The following VAV3 variants were observed in gnomAD, a reference collection of about 807,000 sequenced individuals.
The protein encoded by VAV3 is guanine nucleotide exchange factor VAV3.
Under a neutral mutation model 131.2 loss-of-function variants are expected in VAV3, and 94 were observed. That is an observed-to-expected ratio of 0.72 (90% confidence interval 0.61 to 0.85). The LOEUF is 0.85. Ranked by LOEUF, VAV3 falls within the 40% of genes least tolerant of loss-of-function variation. The pLI is 0.00. For missense variants in VAV3, 939 were observed against 1,002.7 expected, an observed-to-expected ratio of 0.94 and a Z score of 0.86; for synonymous variants, 349 against 342.0, an observed-to-expected ratio of 1.02 and a Z score of -0.22.
At chr1:107,922,964 G>GA (rs67666662) in intron 1 of VAV3, among the ~76,000 whole-genome samples, 40 of 134,576 alleles carry the variant, frequency 3.0e-4, no homozygotes, top group African/African-American at 5.6e-4. Context: ...AAAAAAAAAA[G>GA]AAAAAAAAAA....
At chr1:107,770,066 C>T (rs1664951011) in intron 6 of VAV3, among the ~76,000 whole-genome samples, 1 of 152,154 alleles carries the variant, frequency 6.6e-6, no homozygotes, top group African/African-American at 2.4e-5. Context: ...GCTCTCCCAC[C>T]TCATGCTCAG....
chr1:107,655,641 C>G (rs558662002), intron 19 of VAV3, among the ~76,000 whole-genome samples: 14 of 152,106 alleles, frequency 9.2e-5, no homozygotes, highest in Admixed American at 9.2e-4. Context: ...AACTAAAAAG[C>G]TTCTGAAGAG....
At chr1:107,645,858 T>A (rs1655701605) in intron 19 of VAV3, among the ~76,000 whole-genome samples, 2 of 152,050 alleles carry the variant, frequency 1.3e-5, no homozygotes, top group Admixed American at 6.6e-5. Flanking sequence ...CTCTGATAGG[T>A]TTTTAACCTC....
intron 1 of VAV3, among the ~76,000 whole-genome samples, chr1:107,917,223 C>T (rs531585988): frequency 1.2e-4 from 19 of 152,202 alleles, no homozygotes; most frequent in African/African-American, 3.6e-4. Context: ...GCATCAGCAG[C>T]GGCCTCACCA....
intron 1 of VAV3, among the ~76,000 whole-genome samples, chr1:107,918,260 T>TG (rs1557922991): frequency 6.6e-6 from 1 of 152,148 alleles, no homozygotes; most frequent in East Asian, 1.9e-4. Flanking sequence ...CAGAATGAGA[T>TG]GAAAAACCCA....
At chr1:107,751,637 C>T (rs924314622) in intron 12 of VAV3, among the ~76,000 whole-genome samples, 1 of 151,612 alleles carries the variant, frequency 6.6e-6, no homozygotes, top group Non-Finnish European at 1.5e-5. Context: ...CATGCAATTA[C>T]AAACGCACAA....
chr1:107,692,823 C>T (rs1473687561), intron 17 of VAV3, among the ~76,000 whole-genome samples: 1 of 152,178 alleles, frequency 6.6e-6, no homozygotes, highest in African/African-American at 2.4e-5. Context: ...GCAGCTGAGG[C>T]TTGCATTCTC....
chr1:107,587,142 C>T (rs1044092729), intron 25 of VAV3, among the ~76,000 whole-genome samples: 1 of 152,006 alleles, frequency 6.6e-6, no homozygotes, highest in Non-Finnish European at 1.5e-5. Flanking sequence ...ACACTTGAGA[C>T]GTGAGTATGA....
chr1:107,611,503 T>C (rs1162732189), intron 21 of VAV3, among the ~76,000 whole-genome samples: 1 of 151,544 alleles, frequency 6.6e-6, no homozygotes, highest in Non-Finnish European at 1.5e-5. Flanking sequence ...TTCTGAAATG[T>C]GATGCGAAAA....
chr1:107,771,470 G>A (rs1413449292), intron 5 of VAV3, among the ~76,000 whole-genome samples: 1 of 152,116 alleles, frequency 6.6e-6, no homozygotes, highest in Non-Finnish European at 1.5e-5. Context: ...AGCCAGGATG[G>A]TCTTGATCTC....
intron 12 of VAV3, among the ~76,000 whole-genome samples, chr1:107,753,493 T>TATACAC (rs1553201222): frequency 9.0e-6 from 1 of 111,610 alleles, no homozygotes; most frequent in Admixed American, 9.3e-5. Context: ...TGTATATATA[T>TATACAC]ACACACATAT....
At position 107,756,174 on chromosome 1, in the gene VAV3, TAA is replaced by T. The variant is rs1215304186; in HGVS notation, c.1087-663_1087-662del. 8.8e-4 allele frequency among the ~76,000 whole-genome samples: 134 copies of T among 152,330 alleles called. 1 individual carries two copies. The highest frequency in any genetic ancestry group is 3.2e-3 in the African/African-American group (134 of 41,576). ...TCTTTCCATGTGCCTTCACCTATTT[TAA>T]AATGTCTTTTCTCATATTTGAGGAA... On this transcript the variant is annotated intron_variant, in intron 11 of 26. Coordinates refer to ENST00000370056, the MANE Select transcript of VAV3 (RefSeq NM_006113.5).
chr1:107,616,249 A>C (rs886095031), intron 21 of VAV3, among the ~76,000 whole-genome samples: 7 of 152,236 alleles, frequency 4.6e-5, no homozygotes, highest in Admixed American at 1.3e-4. Context: ...ATGGAATACT[A>C]TACAGCCATA....
intron 2 of VAV3, chr1:107,785,528 G>A (rs1218309552): frequency 3.9e-6 from 5 of 1,285,630 alleles, no homozygotes; most frequent in Non-Finnish European, 4.0e-6. Context: ...CGAGCTTGGG[G>A]GTTCAAGAAG....
chr1:107,687,236 C>T (rs563304969), intron 18 of VAV3, among the ~76,000 whole-genome samples: 1 of 152,168 alleles, frequency 6.6e-6, no homozygotes, highest in Admixed American at 6.5e-5. Flanking sequence ...TCAACAGATG[C>T]ACTGATTAGG....
chr1:107,890,141 C>T (rs1003128903), intron 1 of VAV3, among the ~76,000 whole-genome samples: 3 of 151,990 alleles, frequency 2.0e-5, no homozygotes, highest in South Asian at 2.1e-4. Context: ...CTAAAATCAC[C>T]GTATCAGCAA....
intron 19 of VAV3, among the ~76,000 whole-genome samples, chr1:107,662,469 T>A (rs1657091058): frequency 6.6e-6 from 1 of 151,864 alleles, no homozygotes; most frequent in African/African-American, 2.4e-5. Context: ...GTTATCTCTC[T>A]CACACACACA....
chr1:107,793,317 A>T (rs915564902), intron 2 of VAV3, among the ~76,000 whole-genome samples: 1 of 152,192 alleles, frequency 6.6e-6, no homozygotes, highest in Non-Finnish European at 1.5e-5. Flanking sequence ...TGAACGCTAC[A>T]TAAATTGTAG....
In VAV3 at chr1:107,783,213, A is replaced by ACCT. The variant is rs769212755; in HGVS notation, c.322-3722_322-3721insAGG. Among the ~76,000 whole-genome samples the ACCT allele has an allele frequency of 1.4e-4, 21 of 152,198 alleles. 2 individuals carry two copies. The highest frequency in any genetic ancestry group is 1.4e-3 in the Admixed American group (21 of 15,280). On this transcript the variant is annotated intron_variant, in intron 2 of 26. Transcript: ENST00000370056. Reference sequence around the variant, plus strand: ...GGTGGCTTATATTCCAGAAGCTAGGAAGGACCATTGAGAAAGTGTGGAAAG... The same window carrying ACCT: ...GGTGGCTTATATTCCAGAAGCTAGGACCTAGGACCATTGAGAAAGTGTGGAAAG...
Sources: gnomAD v4.1 joint callset for allele counts (sites outside exome capture counted in the v4.1 genomes callset) on GRCh38, gnomAD v4.1.1 for gene constraint, MANE v1.5 for transcripts, NCBI Gene and HGNC (gene_info 2026-07-23, HGNC 2026-07-21) for gene names.